The following XKR6 variants were observed in gnomAD, a reference collection of about 807,000 sequenced individuals.
XKR6 encodes XK related 6, also known as XK-related protein 6.
Under a neutral mutation model 56.7 loss-of-function variants are expected in XKR6, and 22 were observed. The observed-to-expected ratio is 0.39, with a 90% CI of 0.28 to 0.55. The LOEUF is 0.55. Ranked by LOEUF, XKR6 falls within the 20% of genes least tolerant of loss-of-function variation. The pLI is 0.66. For missense variants in XKR6, 852 were observed against 889.0 expected, an observed-to-expected ratio of 0.96 and a Z score of 0.53; for synonymous variants, 524 against 387.8, an observed-to-expected ratio of 1.35 and a Z score of -4.13.
chr8:11,196,864 G>C (rs1425184068), intron 1 of XKR6, among the ~76,000 whole-genome samples: 3 of 152,278 alleles, frequency 2.0e-5, no homozygotes, highest in African/African-American at 7.2e-5. Context: ...CATGAACAAA[G>C]ACCCATAATA....
intron 1 of XKR6, among the ~76,000 whole-genome samples, chr8:10,970,116 G>T (rs1802361623): frequency 6.6e-6 from 1 of 152,328 alleles, no homozygotes; most frequent in Non-Finnish European, 1.5e-5. Context: ...GCTCTGGTCA[G>T]ATGCCTCTGG....
At chr8:10,943,008 G>A (rs1034309714) in intron 1 of XKR6, among the ~76,000 whole-genome samples, 1 of 152,218 alleles carries the variant, frequency 6.6e-6, no homozygotes, top group Non-Finnish European at 1.5e-5. Context: ...ATGGCTCAAA[G>A]GAGGGGCCAG....
chr8:10,943,847 C>T lies in XKR6; in HGVS notation c.765-19017G>A, dbSNP rs530969857. ...TTCTCATTCACTCCTGTCCACATCC[C>T]TACGAATGAGATCATCTGCGAGCCC... On this transcript the variant is annotated intron_variant, in intron 1 of 2. Coordinates refer to ENST00000416569, the MANE Select transcript of XKR6 (RefSeq NM_173683.4). Among the ~76,000 whole-genome samples the T allele has an allele frequency of 2.4e-4, 36 of 152,234 alleles. No homozygotes were observed. The South Asian group carries it at 7.3e-3, about 31-fold the overall frequency.
At chr8:11,181,905 T>C (rs948764670) in intron 1 of XKR6, among the ~76,000 whole-genome samples, 1 of 152,020 alleles carries the variant, frequency 6.6e-6, no homozygotes, top group African/African-American at 2.4e-5. Flanking sequence ...CAGGTTGGAG[T>C]GCAGTGGCGA....
At chr8:10,967,979 G>A (rs368601055) in intron 1 of XKR6, among the ~76,000 whole-genome samples, 18 of 152,152 alleles carry the variant, frequency 1.2e-4, no homozygotes, top group East Asian at 7.7e-4. Context: ...TGGATACCTC[G>A]GCCCCTCAGC....
intron 1 of XKR6, among the ~76,000 whole-genome samples, chr8:11,001,616 G>C (rs1441496513): frequency 2.0e-5 from 3 of 152,234 alleles, no homozygotes; most frequent in African/African-American, 7.2e-5. Flanking sequence ...CTACCCAAGA[G>C]TCAGCAGGGC....
At chr8:11,114,054 C>A (rs1453125775) in intron 1 of XKR6, 3 of 438,546 alleles carry the variant, frequency 6.8e-6, no homozygotes, top group Middle Eastern at 3.4e-4. Flanking sequence ...CTCAAAACAA[C>A]CTCATTTCAG....
chr8:10,900,298 G>C (rs1239195103), intron 2 of XKR6, among the ~76,000 whole-genome samples: 1 of 152,028 alleles, frequency 6.6e-6, no homozygotes, highest in African/African-American at 2.4e-5. Flanking sequence ...AGACCACCAG[G>C]CTTCTGCTCG....
chr8:11,094,214 G>C (rs1271740877), intron 1 of XKR6, among the ~76,000 whole-genome samples: 1 of 151,792 alleles, frequency 6.6e-6, no homozygotes, highest in South Asian at 2.1e-4. Context: ...CAAAGGAGCA[G>C]AGCCAAGTTG....
chr8:10,908,630 C>T (rs1029113610), intron 2 of XKR6, among the ~76,000 whole-genome samples: 9 of 152,142 alleles, frequency 5.9e-5, no homozygotes, highest in African/African-American at 1.9e-4. Flanking sequence ...CTTTATGCAA[C>T]GATCAGCTTC....
chr8:11,176,339 G>C (rs1021351615), intron 1 of XKR6, among the ~76,000 whole-genome samples: 2 of 152,152 alleles, frequency 1.3e-5, no homozygotes, highest in African/African-American at 2.4e-5. Flanking sequence ...GTTTAGCTGA[G>C]TCAAGTGGTA....
At chr8:10,953,270 C>A (rs2129127739) in intron 1 of XKR6, among the ~76,000 whole-genome samples, 1 of 152,224 alleles carries the variant, frequency 6.6e-6, no homozygotes, top group South Asian at 2.1e-4. Flanking sequence ...GGTTTAGCAC[C>A]ATCTTCCTTG....
chr8:11,007,648 G>A (rs764050370), intron 1 of XKR6, among the ~76,000 whole-genome samples: 13 of 152,098 alleles, frequency 8.5e-5, no homozygotes, highest in Admixed American at 3.3e-4. Context: ...AAGCACACTC[G>A]GTGGAAGAGG....
rs550788628 is a variant in XKR6 at position 10,997,034 on chromosome 8, A to G, written c.765-72204T>C. Among the ~76,000 whole-genome samples, 3 of 152,314 alleles carry G rather than the reference A, an allele frequency of 2.0e-5. No individual in the cohort carries two copies. The East Asian group carries it at 5.8e-4, about 29-fold the overall frequency. On this transcript the variant is annotated intron_variant, in intron 1 of 2. Transcript: ENST00000416569. ...TTAACTCTGCCCCTCTCCCACATCA[A>G]CAAACACACACACATGTACGCCACA...
intron 1 of XKR6, among the ~76,000 whole-genome samples, chr8:11,040,218 C>G (rs1799251579): frequency 6.6e-6 from 1 of 152,074 alleles, no homozygotes; most frequent in Non-Finnish European, 1.5e-5. Context: ...CTGCCCAAGG[C>G]TCCGGCCCTG....
At chr8:11,077,368 G>T (rs1300142788) in intron 1 of XKR6, among the ~76,000 whole-genome samples, 1 of 152,146 alleles carries the variant, frequency 6.6e-6, no homozygotes, top group African/African-American at 2.4e-5. Context: ...GTGGCTGCAG[G>T]GTCACATGGG....
At chr8:11,006,945 C>T (rs1798383414) in intron 1 of XKR6, among the ~76,000 whole-genome samples, 1 of 152,214 alleles carries the variant, frequency 6.6e-6, no homozygotes, top group Non-Finnish European at 1.5e-5. Context: ...CCAAGTCAAG[C>T]AGTTCATCCT....
chr8:11,083,351 G>T (rs1033028543), intron 1 of XKR6, among the ~76,000 whole-genome samples: 1 of 152,150 alleles, frequency 6.6e-6, no homozygotes, highest in African/African-American at 2.4e-5. Flanking sequence ...ATTTTCCCCA[G>T]ATTACAAGGA....
At chr8:11,132,831 T>C (rs1452367723) in intron 1 of XKR6, among the ~76,000 whole-genome samples, 1 of 149,310 alleles carries the variant, frequency 6.7e-6, no homozygotes, top group Admixed American at 6.6e-5. Flanking sequence ...CTTACATTTC[T>C]TTTCACCTGT....
Sources: gnomAD v4.1 joint callset for allele counts (sites outside exome capture counted in the v4.1 genomes callset) on GRCh38, gnomAD v4.1.1 for gene constraint, MANE v1.5 for transcripts, NCBI Gene and HGNC (gene_info 2026-07-23, HGNC 2026-07-21) for gene names.